The following DNAH11 variants were observed in gnomAD, a reference collection of about 807,000 sequenced individuals.
DNAH11 encodes the protein dynein axonemal heavy chain 11, also known as axonemal beta dynein heavy chain 11.
In DNAH11, 442 loss-of-function variants were observed where a neutral mutation model predicts 526.0. The ratio of observed to expected loss-of-function variants is 0.84; its 90% confidence interval spans 0.78 to 0.91. The LOEUF (loss-of-function observed/expected upper bound fraction) is 0.91. Ranked by LOEUF, DNAH11 falls within the 40% of genes least tolerant of loss-of-function variation. The pLI, the probability that DNAH11 is intolerant of heterozygous loss-of-function variation, is 0.00. For missense variants in DNAH11, 6,989 were observed against 5,448.7 expected (o/e 1.28, Z -8.90); for synonymous variants, 2,461 against 1,935.9 (o/e 1.27, Z -7.12).
chr7:21,770,803 C>G (rs1412236351), intron 55 of DNAH11, among the ~76,000 whole-genome samples: 1 of 152,154 alleles, frequency 6.6e-6, no homozygotes, highest in Non-Finnish European at 1.5e-5. Context: ...AACTGGAAAT[C>G]TAGCCCAGGT....
intron 32 of DNAH11, 122 bp from the exon 33 acceptor site, chr7:21,686,977 C>T (rs952671091): frequency 1.3e-6 from 1 of 796,888 alleles, no homozygotes; most frequent in Non-Finnish European, 1.8e-6. Flanking sequence ...AGAAGTATAT[C>T]AGTATTTTAT....
intron 65 of DNAH11, 107 bp from the exon 66 acceptor site, chr7:21,842,437 G>A (rs1453140770): frequency 4.3e-6 from 4 of 922,586 alleles, no homozygotes; most frequent in Non-Finnish European, 4.7e-6. Context: ...TCAATCACCT[G>A]AGCTTCTGGC....
At chr7:21,614,157 T>A (rs1019332617) in intron 20 of DNAH11, among the ~76,000 whole-genome samples, 12 of 152,186 alleles carry the variant, frequency 7.9e-5, no homozygotes, top group Non-Finnish European at 1.3e-4. Context: ...TGAAGGTTGA[T>A]GGAACATAAA....
chr7:21,582,001 G>C lies in DNAH11; in HGVS notation c.1690G>C (p.Gly564Arg). ...TTGTGAAGCTTTCTTTAACTGCAAT[G>C]GCTTAGAAGCTGCATTTAAGGTTAG... ...IICEAFFNCNGLEAAFKLLTI... is the reference protein window; with the variant it reads ...IICEAFFNCNRLEAAFKLLTI... The change falls in exon 9 of 82, where the codon GGC (glycine) becomes CGC (arginine). Residue 564 changes from glycine to arginine, a missense_variant. Physicochemically the swap from Gly to Arg is moderately radical, Grantham distance 125 (BLOSUM62 -2). Transcript: ENST00000409508. 1.2e-6 allele frequency: 2 copies of C among 1,611,608 alleles called. No individual in the cohort carries two copies. Among genetic ancestry groups the C allele is most frequent in the Non-Finnish European group, 1.7e-6 (2 of 1,178,034 alleles).
intron 30 of DNAH11, among the ~76,000 whole-genome samples, chr7:21,673,045 C>T (rs1211513814): frequency 2.6e-5 from 4 of 151,860 alleles, no homozygotes; most frequent in African/African-American, 7.3e-5. Context: ...CTTTTTTTCA[C>T]GGTGTGTGAC....
At chr7:21,805,184 G>T (rs1789206654) in intron 62 of DNAH11, among the ~76,000 whole-genome samples, 1 of 152,108 alleles carries the variant, frequency 6.6e-6, no homozygotes. Context: ...ACACATACAT[G>T]CACACATATG....
intron 25 of DNAH11, among the ~76,000 whole-genome samples, chr7:21,621,382 C>T (rs1236790640): frequency 1.3e-5 from 2 of 152,130 alleles, no homozygotes; most frequent in Non-Finnish European, 2.9e-5. Flanking sequence ...CAGCCGAATT[C>T]TACCAGAGGT....
At chr7:21,673,987 C>CTTAAATAT (rs1782749502) in intron 30 of DNAH11, among the ~76,000 whole-genome samples, 1 of 151,238 alleles carries the variant, frequency 6.6e-6, no homozygotes, top group Non-Finnish European at 1.5e-5. Flanking sequence ...CCTCCTGCTC[C>CTTAAATAT]TTAAATATTC....
chr7:21,698,353 G>A (rs1783936624), intron 36 of DNAH11, 140 bp downstream of exon 36: 3 of 1,223,370 alleles, frequency 2.5e-6, no homozygotes, highest in East Asian at 5.1e-5. Flanking sequence ...AATAGTTTGG[G>A]GGAACAGGTG....
chr7:21,857,579 G>A lies in DNAH11; in HGVS notation c.11202+3124G>A, dbSNP rs538941214. On this transcript the variant is annotated intron_variant, in intron 68 of 81. Coordinates refer to ENST00000409508, the MANE Select transcript of DNAH11 (RefSeq NM_001277115.2). The stretch of plus-strand genomic sequence containing the variant: ...GAAGACTTACAATTTCTGATTTTAA[G>A]ACTTAAATCTACACGAATCAAGATG... Among the ~76,000 whole-genome samples, 17 of 151,740 alleles carry A rather than the reference G, an allele frequency of 1.1e-4. No individual in the cohort carries two copies. The East Asian group carries it at 3.3e-3, about 29-fold the overall frequency.
chr7:21,645,637 G>A (rs1787321036), intron 28 of DNAH11, among the ~76,000 whole-genome samples: 1 of 151,870 alleles, frequency 6.6e-6, no homozygotes, highest in African/African-American at 2.4e-5. Flanking sequence ...AAGGTGGATT[G>A]GATAGAAATT....
intron 80 of DNAH11, among the ~76,000 whole-genome samples, chr7:21,899,751 A>AGAC (rs34446974): frequency 6.6e-6 from 1 of 152,222 alleles, no homozygotes; most frequent in African/African-American, 2.4e-5. Flanking sequence ...CGAAAACCAC[A>AGAC]GACAATCCAC....
At chr7:21,674,594 A>T (rs1035696771) in intron 30 of DNAH11, among the ~76,000 whole-genome samples, 6 of 152,084 alleles carry the variant, frequency 3.9e-5, no homozygotes, top group Admixed American at 6.6e-5. Flanking sequence ...CCTAGCCTCA[A>T]GTGATCCATC....
rs564334258 is a variant in DNAH11, at chr7:21,883,996, TTG to T, written c.12388-292_12388-291del. Among the ~76,000 whole-genome samples the T allele has an allele frequency of 1.2e-3, 178 of 152,300 alleles. 1 individual carries two copies. The highest frequency in any genetic ancestry group is 3.9e-3 in the African/African-American group (163 of 41,544). On this transcript the variant is annotated intron_variant, in intron 75 of 81. Coordinates refer to ENST00000409508, the MANE Select transcript of DNAH11 (RefSeq NM_001277115.2). ...AATTCAAGGTTGCAATGAGCTGTGA[TTG>T]TGCCACTGCACTCCAGCTTAGGCAA...
At chr7:21,760,861 A>G (rs545906993) in intron 54 of DNAH11, among the ~76,000 whole-genome samples, 49 of 73,656 alleles carry the variant, frequency 6.7e-4, no homozygotes, top group African/African-American at 1.5e-3. Flanking sequence ...ACAGCCCCTA[A>G]GGTGTAAATA....
intron 2 of DNAH11, among the ~76,000 whole-genome samples, chr7:21,552,075 G>A (rs971702662): frequency 6.6e-6 from 1 of 152,130 alleles, no homozygotes; most frequent in Non-Finnish European, 1.5e-5. Flanking sequence ...GAATCAAGAA[G>A]CTTGGAGGCA....
chr7:21,859,419 T>A (rs1004798762), intron 68 of DNAH11, among the ~76,000 whole-genome samples: 34 of 152,214 alleles, frequency 2.2e-4, no homozygotes, highest in Non-Finnish European at 4.6e-4. Flanking sequence ...AACCTATAAA[T>A]GCTTTTGTGT....
chr7:21,719,977 C>T (rs532646528), intron 43 of DNAH11, among the ~76,000 whole-genome samples: 1 of 152,356 alleles, frequency 6.6e-6, no homozygotes, highest in Admixed American at 6.5e-5. Flanking sequence ...GCCTCTGCAG[C>T]AGCCGCATTC....
At chr7:21,698,879 C>G (rs1481919648) in intron 36 of DNAH11, among the ~76,000 whole-genome samples, 1 of 152,130 alleles carries the variant, frequency 6.6e-6, no homozygotes, top group East Asian at 1.9e-4. Context: ...AAAACTAAAA[C>G]TACCATTTCA....
Sources: gnomAD v4.1 joint callset for allele counts (sites outside exome capture counted in the v4.1 genomes callset) on GRCh38, gnomAD v4.1.1 for gene constraint, MANE v1.5 for transcripts, NCBI Gene and HGNC (gene_info 2026-07-23, HGNC 2026-07-21) for gene names.